EMC1: variants seen among roughly 807,000 people sequenced by gnomAD.
The protein encoded by EMC1 is ER membrane protein complex subunit 1.
Under a neutral mutation model 128.8 loss-of-function variants are expected in EMC1, and 103 were observed. The ratio of observed to expected loss-of-function variants is 0.80; its 90% confidence interval spans 0.68 to 0.94. The LOEUF (loss-of-function observed/expected upper bound fraction) is 0.94. EMC1 is among the 40% of genes least tolerant of loss of function. The pLI is 0.00. For synonymous variants in EMC1, 442 were observed against 490.4 expected, an observed-to-expected ratio of 0.90 and a Z score of 1.30; for missense variants, 1,083 against 1,250.6, an observed-to-expected ratio of 0.87 and a Z score of 2.02.
chr1:19,239,596 A>T, intron 8 of EMC1: 2 of 588,762 alleles, frequency 3.4e-6, no homozygotes, highest in Non-Finnish European at 6.0e-6. Flanking sequence ...CTTTGGACTA[A>T]GGAAGGCACT....
At position 19,218,367 on chromosome 1, in the gene EMC1, T is replaced by C. The variant is rs1477843392; in HGVS notation, c.*936A>G. ...GGTTAGATCAATAAAATTTAAAATT[T>C]CCTCATTTAAGGAGAAATATAATGA... On this transcript the variant is annotated 3_prime_UTR_variant, in exon 23 of 23. Coordinates refer to ENST00000477853, the MANE Select transcript of EMC1 (RefSeq NM_015047.3). 2 of 152,214 alleles carry C rather than the reference T, an allele frequency of 1.3e-5. No individual in the cohort carries two copies. Among genetic ancestry groups the C allele is most frequent in the African/African-American group, 4.8e-5 (2 of 41,438 alleles). 9.4% of individuals were successfully genotyped at this position (152,214 alleles called of 1,614,324 possible).
At chr1:19,240,178 G>C in intron 7 of EMC1, 119 bp downstream of exon 7, 1 of 1,361,956 alleles carries the variant, frequency 7.3e-7, no homozygotes. Context: ...CCAGAGGCCT[G>C]AATGGCTTCC....
rs774435059 is a variant in EMC1, at chr1:19,227,274, A to G, written c.2202+39T>C. The G allele has an allele frequency of 4.9e-5, 79 of 1,611,390 alleles. No homozygotes were observed. The South Asian group carries it at 8.1e-4, about 17-fold the overall frequency. On this transcript the variant is annotated intron_variant, in intron 18 of 22. Transcript: ENST00000477853. ...TTGAAGCCCTTGTTTTCCTGATTCG[A>G]AAGCCCTTGCTGTAGACCAGACAGC... is the stretch of plus-strand genomic sequence containing the variant.
At chr1:19,245,381 C>A (rs12091991) in intron 1 of EMC1, among the ~76,000 whole-genome samples, 19 of 151,590 alleles carry the variant, frequency 1.3e-4, no homozygotes, top group African/African-American at 4.6e-4. Context: ...GCGGAGGTTG[C>A]AGTGAGCTGA....
At chr1:19,229,823 G>A (rs1405178266) in intron 17 of EMC1, among the ~76,000 whole-genome samples, 1 of 152,180 alleles carries the variant, frequency 6.6e-6, no homozygotes, top group Non-Finnish European at 1.5e-5. Flanking sequence ...TTATGAGACA[G>A]GTACTTATCA....
chr1:19,223,075 C>T, intron 19 of EMC1: 1 of 563,446 alleles, frequency 1.8e-6, no homozygotes, highest in East Asian at 2.9e-5. Context: ...ATAATAGTAG[C>T]TAACCTTTGA....
intron 1 of EMC1, among the ~76,000 whole-genome samples, chr1:19,250,416 C>T (rs888203584): frequency 6.6e-6 from 1 of 151,964 alleles, no homozygotes; most frequent in African/African-American, 2.4e-5. Context: ...AAATTAGATA[C>T]ACATATCACC....
At chr1:19,225,113 C>T (rs1252742678) in intron 18 of EMC1, among the ~76,000 whole-genome samples, 2 of 152,198 alleles carry the variant, frequency 1.3e-5, no homozygotes, top group Non-Finnish European at 2.9e-5. Context: ...TTATTATTAG[C>T]CTCACCCAAC....
At position 19,240,394 on chromosome 1, in the gene EMC1, A is replaced by C. The variant is rs2093597859; in HGVS notation, c.689T>G (p.Val230Gly). Residue 230 changes from valine (V) to glycine (G), a missense_variant, in exon 7 of 23, where the codon GTG becomes GGG. Val to Gly is a moderately radical substitution (Grantham distance 109). Coordinates refer to ENST00000477853, the MANE Select transcript of EMC1 (RefSeq NM_015047.3). ...LQHLSGACGV[V>G]DEAVLVCPDP... ...AGGACACACCAGGACAGCCTCATCCACCACACCACAGGCTCCAGACAGGTG... is the reference window on the plus strand; with the variant it reads ...AGGACACACCAGGACAGCCTCATCCCCCACACCACAGGCTCCAGACAGGTG... The C allele has an allele frequency of 6.2e-7, 1 of 1,614,204 alleles. No individual in the cohort carries two copies. Among genetic ancestry groups the C allele is most frequent in the African/African-American group, 1.3e-5 (1 of 75,050 alleles).
chr1:19,251,141 G>C (rs1322295435), intron 1 of EMC1, among the ~76,000 whole-genome samples: 1 of 152,204 alleles, frequency 6.6e-6, no homozygotes, highest in Non-Finnish European at 1.5e-5. Flanking sequence ...CGGGATCAGT[G>C]ATCTCTGACC....
chr1:19,232,130 C>A (rs1379235805), intron 15 of EMC1, among the ~76,000 whole-genome samples: 1 of 152,116 alleles, frequency 6.6e-6, no homozygotes, highest in Non-Finnish European at 1.5e-5. Flanking sequence ...GGCATGATGG[C>A]GTGTGCCTGT....
chr1:19,241,876 ATCTTGTTCCTTCTC>A lies in EMC1; in HGVS notation c.509+455_509+468del, dbSNP rs147823575. Among the ~76,000 whole-genome samples the A allele has an allele frequency of 4.7e-3, 714 of 152,210 alleles. 16 individuals carry two copies. The East Asian group carries it at 0.066, about 14-fold the overall frequency. On this transcript the variant is annotated intron_variant, in intron 5 of 22. Transcript: ENST00000477853. Reference sequence around the variant, plus strand: ...ACAGGGTGTCTAAGTAGATCCTTTTATCTTGTTCCTTCTCTCTTGTTCCTTCCCAATTTCGATGC... The same window carrying A: ...ACAGGGTGTCTAAGTAGATCCTTTTATCTTGTTCCTTCCCAATTTCGATGC...
intron 17 of EMC1, 103 bp from the exon 18 acceptor site, chr1:19,227,553 A>T: frequency 1.5e-6 from 2 of 1,340,898 alleles, no homozygotes; most frequent in Non-Finnish European, 2.1e-6. Flanking sequence ...GCCTTTGTGC[A>T]GGAAGGAATA....
intron 14 of EMC1, 71 bp from the exon 15 acceptor site, chr1:19,232,844 C>T (rs997997584): frequency 2.6e-5 from 42 of 1,607,344 alleles, no homozygotes; most frequent in Non-Finnish European, 3.2e-5. Context: ...TCCTTGAAAA[C>T]TAGAACCAGT....
chr1:19,222,671 A>C lies in EMC1; in HGVS notation c.2540T>G (p.Met847Arg). The change falls in exon 20 of 23, where the codon ATG (methionine) becomes AGG (arginine). Residue 847 changes from methionine (M) to arginine (R), a missense_variant. Coordinates refer to ENST00000477853, the MANE Select transcript of EMC1 (RefSeq NM_015047.3). ...SYIFPSSISAMEATITERGIT... is the reference protein window; with the variant it reads ...SYIFPSSISAREATITERGIT... The stretch of plus-strand genomic sequence containing the variant: ...GCCCCGTTCGGTGATGGTGGCCTCC[A>C]TGGCACTGATGGAGGACGGGAAGAT... 1 of 1,614,128 alleles carries C rather than the reference A, an allele frequency of 6.2e-7. No homozygotes were observed. Among genetic ancestry groups the C allele is most frequent in the Non-Finnish European group, 8.5e-7 (1 of 1,180,022 alleles).
At chr1:19,228,488 G>A (rs2093494992) in intron 17 of EMC1, among the ~76,000 whole-genome samples, 1 of 152,072 alleles carries the variant, frequency 6.6e-6, no homozygotes, top group Non-Finnish European at 1.5e-5. Flanking sequence ...GAGCCCTTGG[G>A]GGTGGAGACA....
rs2093625787 is a variant in EMC1, at chr1:19,245,047, A to G, written c.96-17T>C. On this transcript the variant is annotated splice_polypyrimidine_tract_variant and intron_variant, in intron 1 of 22. Transcript: ENST00000477853. ...TGCTGTCTCCTGAGAAAAAAAGAGTACAGGGGACCATAAGGAGCTAAAATC... is the reference window on the plus strand; with the variant it reads ...TGCTGTCTCCTGAGAAAAAAAGAGTGCAGGGGACCATAAGGAGCTAAAATC... 2 of 1,612,978 alleles carry G rather than the reference A, an allele frequency of 1.2e-6. No homozygotes were observed. The highest frequency in any genetic ancestry group is 1.7e-6 in the Non-Finnish European group (2 of 1,179,336).
At chr1:19,232,452 A>G (rs986797081) in intron 15 of EMC1, among the ~76,000 whole-genome samples, 172 bp downstream of exon 15, 1 of 152,202 alleles carries the variant, frequency 6.6e-6, no homozygotes, top group Non-Finnish European at 1.5e-5. Flanking sequence ...ACAATTCCAC[A>G]TCAGTGCTGG....
At chr1:19,240,475 C>A in intron 6 of EMC1, 29 bp from the exon 7 acceptor site, 1 of 1,612,652 alleles carries the variant, frequency 6.2e-7, no homozygotes, top group Non-Finnish European at 8.5e-7. Context: ...TAACAGGAAG[C>A]TCGTGAAAGA....
Sources: allele counts gnomAD v4.1 joint callset (sites outside exome capture counted in the v4.1 genomes callset), GRCh38; gene constraint gnomAD v4.1.1; transcripts MANE v1.5; gene names NCBI Gene and HGNC (gene_info 2026-07-23, HGNC 2026-07-21).